The following RIN3 variants were observed in gnomAD, a reference collection of about 807,000 sequenced individuals.
RIN3 encodes the protein RAB5 interacting protein 3.
RIN3 carries 54 observed loss-of-function variants against 76.3 expected under a neutral mutation model. The observed-to-expected ratio is 0.71, with a 90% CI of 0.57 to 0.89. The LOEUF (loss-of-function observed/expected upper bound fraction) is 0.89. Among genes scored for constraint, RIN3 ranks in the 40% least tolerant of loss-of-function variants. RIN3 has a pLI of 0.00. For synonymous variants in RIN3, 576 were observed against 564.0 expected, an observed-to-expected ratio of 1.02 and a Z score of -0.30; for missense variants, 1,256 against 1,322.1, an observed-to-expected ratio of 0.95 and a Z score of 0.78.
At chr14:92,609,246 A>G (rs1885634379) in intron 3 of RIN3, among the ~76,000 whole-genome samples, 1 of 152,208 alleles carries the variant, frequency 6.6e-6, no homozygotes. Context: ...TGTGAGTGCC[A>G]GGGGCTGGGC....
In RIN3 at chr14:92,514,125, C is replaced by T. The variant is rs372583212; in HGVS notation, c.44+149C>T. Reference sequence around the variant, plus strand: ...ACGGGACCCCCACCGTGGCCGAGGCCAGAACCTGGTTCTGCGGGGCAGGGG... The same window carrying T: ...ACGGGACCCCCACCGTGGCCGAGGCTAGAACCTGGTTCTGCGGGGCAGGGG... On this transcript the variant is annotated intron_variant, in intron 1 of 9. Coordinates refer to ENST00000216487, the MANE Select transcript of RIN3 (RefSeq NM_024832.5). This position sits in a 1 kb window ranked among gnomAD's most constrained non-coding sequence, Gnocchi z 7.2. 5.7e-5 allele frequency: 30 copies of T among 525,202 alleles called. No individual in the cohort carries two copies. In the South Asian group the frequency reaches 8.1e-4, roughly 14 times the overall value. The allele number at this position is 525,202 out of a possible 1,614,324, so 32.5% of individuals were successfully genotyped here. A position where few individuals can be genotyped will look rare whatever the true frequency, so the allele number is the denominator to read the frequency against.
intron 6 of RIN3, among the ~76,000 whole-genome samples, chr14:92,654,077 G>A (rs1887572193): frequency 6.6e-6 from 1 of 152,082 alleles, no homozygotes; most frequent in Admixed American, 6.6e-5. Context: ...ACTTTGGGAG[G>A]CTGAGGTGGG....
At chr14:92,573,981 C>T (rs1898138021) in intron 2 of RIN3, among the ~76,000 whole-genome samples, 1 of 152,206 alleles carries the variant, frequency 6.6e-6, no homozygotes, top group Non-Finnish European at 1.5e-5. Context: ...CTGGCGGAGG[C>T]ATCTAGATGT....
At chr14:92,532,824 A>G (rs1475278352) in intron 1 of RIN3, among the ~76,000 whole-genome samples, 3 of 152,170 alleles carry the variant, frequency 2.0e-5, no homozygotes, top group African/African-American at 4.8e-5. Flanking sequence ...ATCCCTGGGT[A>G]GGAGAAGGCA....
chr14:92,654,414 G>C (rs1595488034), intron 6 of RIN3, among the ~76,000 whole-genome samples: 1 of 152,206 alleles, frequency 6.6e-6, no homozygotes, highest in South Asian at 2.1e-4. Context: ...TTCTGAGCTA[G>C]TTTGTAAATA....
rs776630506 is a variant in RIN3, at chr14:92,652,958, AG to A, written c.1910del (p.Ser637ThrfsTer11). 6.2e-7 allele frequency: 1 copy of A among 1,613,828 alleles called. No homozygotes were observed. Among genetic ancestry groups the A allele is most frequent in the Non-Finnish European group, 8.5e-7 (1 of 1,180,032 alleles). ...SLEMMARQTSSTEMLQEIRTM... is the reference protein window; with the variant it reads ...SLEMMARQTSXTEMLQEIRTM... ...GGAGATGATGGCGCGCCAGACCTCC[AG>A]CACGGAGATGCTGCAGGAGATTCGC... On this transcript the variant is annotated frameshift_variant, in exon 6 of 10. Coordinates refer to ENST00000216487, the MANE Select transcript of RIN3 (RefSeq NM_024832.5). LOFTEE classifies it high-confidence loss of function. The surrounding 1 kb of genome is among the most constrained non-coding windows in gnomAD (Gnocchi z 6.4).
chr14:92,651,940 C>T lies in RIN3; in HGVS notation c.891C>T (p.Pro297=), dbSNP rs1257805736. 4 of 1,544,480 alleles carry T rather than the reference C, an allele frequency of 2.6e-6. No homozygotes were observed. The highest frequency in any genetic ancestry group is 3.5e-6 in the Non-Finnish European group (4 of 1,141,378). The change falls in exon 6 of 10, where the codon CCC becomes CCT. Residue 297 remains proline, a synonymous_variant. Transcript: ENST00000216487. ...LPLQPCSPAQ[P]PVLPALAPAP... ...TGCAGCCCTGCAGCCCAGCCCAGCC[C>T]CCTGTGCTCCCTGCTCTTGCCCCCG...
intron 2 of RIN3, among the ~76,000 whole-genome samples, chr14:92,575,144 T>A (rs1004337830): frequency 2.6e-5 from 4 of 152,188 alleles, no homozygotes; most frequent in Non-Finnish European, 5.9e-5. Context: ...AGTATTTTAT[T>A]AACAATTATA....
chr14:92,588,000 G>A (rs995030065), intron 3 of RIN3, among the ~76,000 whole-genome samples: 5 of 152,076 alleles, frequency 3.3e-5, no homozygotes, highest in Non-Finnish European at 5.9e-5. Flanking sequence ...CTCTGGAGAC[G>A]AGGGATGCTA....
At chr14:92,528,846 G>T (rs886762472) in intron 1 of RIN3, among the ~76,000 whole-genome samples, 1 of 152,144 alleles carries the variant, frequency 6.6e-6, no homozygotes, top group Non-Finnish European at 1.5e-5. Flanking sequence ...TGAGCGGTTC[G>T]CGGGACACAC....
chr14:92,674,378 A>T (rs1362856308), intron 7 of RIN3, among the ~76,000 whole-genome samples: 2 of 152,326 alleles, frequency 1.3e-5, no homozygotes, highest in East Asian at 3.9e-4. Flanking sequence ...GAATGTGCAG[A>T]GCTCACTATG....
intron 7 of RIN3, among the ~76,000 whole-genome samples, chr14:92,668,099 A>G (rs1285754920): frequency 3.3e-5 from 5 of 152,206 alleles, no homozygotes; most frequent in Middle Eastern, 3.4e-3. Flanking sequence ...CATCCTCACA[A>G]CCACTCCAGG....
chr14:92,626,475 C>T (rs1375890118), intron 4 of RIN3, among the ~76,000 whole-genome samples: 1 of 152,150 alleles, frequency 6.6e-6, no homozygotes, highest in African/African-American at 2.4e-5. Flanking sequence ...ATTTACAAAG[C>T]CAGTAGCTCC....
At chr14:92,555,395 C>A (rs112290836) in intron 1 of RIN3, among the ~76,000 whole-genome samples, 2,343 of 152,290 alleles carry the variant, frequency 0.015, 63 homozygotes, top group African/African-American at 0.052. Flanking sequence ...GAGGGCTCCA[C>A]TGGGAAATGG....
intron 2 of RIN3, among the ~76,000 whole-genome samples, chr14:92,572,338 C>T (rs753758526): frequency 2.5e-4 from 38 of 152,320 alleles, no homozygotes; most frequent in Non-Finnish European, 4.0e-4. Context: ...GAAGAAGGTC[C>T]TATACAAGTT....
intron 3 of RIN3, among the ~76,000 whole-genome samples, chr14:92,602,559 T>G (rs1885384954): frequency 6.6e-6 from 1 of 152,184 alleles, no homozygotes; most frequent in Non-Finnish European, 1.5e-5. Context: ...AGGTAGATAA[T>G]GGAGTTGTCA....
chr14:92,528,793 C>T (rs374222119), intron 1 of RIN3, among the ~76,000 whole-genome samples: 2 of 152,170 alleles, frequency 1.3e-5, no homozygotes, highest in African/African-American at 2.4e-5. Flanking sequence ...TGAAAATGTG[C>T]GGCTTCATGA....
chr14:92,600,978 A>G (rs1595446521), intron 3 of RIN3, among the ~76,000 whole-genome samples: 1 of 152,196 alleles, frequency 6.6e-6, no homozygotes, highest in South Asian at 2.1e-4. Flanking sequence ...TGTGCCACCC[A>G]GTATGGTAGC....
At chr14:92,618,376 C>A (rs1035047702) in intron 4 of RIN3, among the ~76,000 whole-genome samples, 1 of 152,132 alleles carries the variant, frequency 6.6e-6, no homozygotes. Flanking sequence ...CCCTGGTTAG[C>A]CTTACCCCAA....
Sources: gnomAD v4.1 joint callset for allele counts (sites outside exome capture counted in the v4.1 genomes callset) on GRCh38, gnomAD v4.1.1 for gene constraint, Gnocchi (gnomAD v3.1) non-coding constraint, MANE v1.5 for transcripts, NCBI Gene and HGNC (gene_info 2026-07-23, HGNC 2026-07-21) for gene names.